Variants in LHFPL2 observed in about 807,000 individuals in gnomAD.
LHFPL2 encodes the protein LHFPL tetraspan subfamily member 2.
Under a neutral mutation model 17.5 loss-of-function variants are expected in LHFPL2, and 7 were observed. The ratio of observed to expected loss-of-function variants is 0.40; its 90% CI spans 0.23 to 0.75. LHFPL2 has a LOEUF of 0.75. Ranked by LOEUF, LHFPL2 falls within the 30% of genes least tolerant of loss-of-function variation. The probability of loss-of-function intolerance (pLI) is 0.37; values close to 1 mark genes in which losing one functional copy is unlikely to be tolerated. For synonymous variants in LHFPL2, 134 were observed against 116.2 expected, an observed-to-expected ratio of 1.15 and a Z score of -0.99; for missense variants, 241 against 294.8, an observed-to-expected ratio of 0.82 and a Z score of 1.34.
chr5:78,495,070 A>AAT (rs1291525264), intron 4 of LHFPL2, among the ~76,000 whole-genome samples: 3 of 152,202 alleles, frequency 2.0e-5, no homozygotes, highest in African/African-American at 7.2e-5. Context: ...CTTAGGTGGG[A>AAT]AGAAAAGCAT....
intron 4 of LHFPL2, among the ~76,000 whole-genome samples, chr5:78,496,450 T>A (rs1190891340): frequency 1.3e-5 from 2 of 152,192 alleles, no homozygotes; most frequent in African/African-American, 4.8e-5. Context: ...AAACATCAAT[T>A]TCTCTTATAA....
intron 4 of LHFPL2, among the ~76,000 whole-genome samples, chr5:78,492,371 C>T (rs949254496): frequency 1.3e-5 from 2 of 152,208 alleles, no homozygotes; most frequent in African/African-American, 4.8e-5. Context: ...ATGGAGTTTG[C>T]TGTCACATAC....
At chr5:78,512,417 A>C (rs116527875) in intron 3 of LHFPL2, among the ~76,000 whole-genome samples, 1 of 150,344 alleles carries the variant, frequency 6.7e-6, no homozygotes, top group East Asian at 2.0e-4. Flanking sequence ...ATAAATTAGC[A>C]TTCAGCCAGA....
At chr5:78,511,253 C>G (rs572270580) in intron 3 of LHFPL2, among the ~76,000 whole-genome samples, 1 of 152,192 alleles carries the variant, frequency 6.6e-6, no homozygotes, top group Non-Finnish European at 1.5e-5. Context: ...TTGAATTGTC[C>G]CAATTCATCC....
chr5:78,537,381 T>C (rs1382469567), intron 3 of LHFPL2, among the ~76,000 whole-genome samples: 4 of 152,136 alleles, frequency 2.6e-5, no homozygotes, highest in African/African-American at 9.7e-5. Flanking sequence ...AAAATGGTTA[T>C]TCGTGGGAAA....
intron 3 of LHFPL2, among the ~76,000 whole-genome samples, chr5:78,563,423 T>C (rs183196706): frequency 4.6e-3 from 708 of 152,260 alleles, no homozygotes; most frequent in Non-Finnish European, 7.6e-3. Context: ...GGGCCGACCA[T>C]GGTGACTCAC....
At chr5:78,560,123 A>T (rs941869476) in intron 3 of LHFPL2, among the ~76,000 whole-genome samples, 1 of 152,236 alleles carries the variant, frequency 6.6e-6, no homozygotes, top group Non-Finnish European at 1.5e-5. Context: ...AATGACAGAG[A>T]ATAGCTATCC....
At chr5:78,551,968 G>A (rs1464777689) in intron 3 of LHFPL2, among the ~76,000 whole-genome samples, 1 of 152,108 alleles carries the variant, frequency 6.6e-6, no homozygotes, top group Admixed American at 6.5e-5. Flanking sequence ...ATACCCTCTT[G>A]TCAAATCATA....
At chr5:78,535,342 C>T (rs1466150735) in intron 3 of LHFPL2, among the ~76,000 whole-genome samples, 2 of 152,200 alleles carry the variant, frequency 1.3e-5, no homozygotes, top group Non-Finnish European at 2.9e-5. Context: ...ACAGACCCCC[C>T]TCAGATTCCC....
intron 2 of LHFPL2, among the ~76,000 whole-genome samples, chr5:78,600,462 C>T (rs954568870): frequency 2.0e-5 from 3 of 152,166 alleles, no homozygotes; most frequent in Admixed American, 1.3e-4. Context: ...TGTGCAGTGG[C>T]TCACACCTGT....
At chr5:78,571,037 T>C (rs182159552) in intron 2 of LHFPL2, among the ~76,000 whole-genome samples, 5 of 152,268 alleles carry the variant, frequency 3.3e-5, no homozygotes, top group African/African-American at 1.2e-4. Flanking sequence ...AACACTCTCA[T>C]GGAGGCATCT....
At chr5:78,625,508 C>T (rs1745003726) in intron 2 of LHFPL2, 1 of 152,238 alleles carries the variant, frequency 6.6e-6, no homozygotes, top group African/African-American at 2.4e-5. Context: ...TACCCACCCC[C>T]AAACCTGAAC....
intron 4 of LHFPL2, among the ~76,000 whole-genome samples, chr5:78,501,718 C>G (rs1326139030): frequency 3.3e-5 from 5 of 152,200 alleles, no homozygotes; most frequent in Non-Finnish European, 7.3e-5. Context: ...ACATGGCTTA[C>G]TCCATCTCAT....
intron 2 of LHFPL2, among the ~76,000 whole-genome samples, chr5:78,580,437 T>C (rs1193317588): frequency 6.6e-6 from 1 of 151,668 alleles, no homozygotes; most frequent in Non-Finnish European, 1.5e-5. Context: ...ATGTCCTGAA[T>C]GGTAATGCCT....
chr5:78,507,778 CAG>C lies in LHFPL2; in HGVS notation c.430+2004_430+2005del, dbSNP rs1175682622. Among the ~76,000 whole-genome samples the C allele has an allele frequency of 3.9e-5, 6 of 152,300 alleles. No homozygotes were observed. In the East Asian group the frequency reaches 1.2e-3, roughly 29 times the overall value. The stretch of plus-strand genomic sequence containing the variant: ...AATCATCAAGGATGTGCAAATACAA[CAG>C]AGCGAGGGAAAACTAAACAGAAATC... On this transcript the variant is annotated intron_variant, in intron 4 of 4. Transcript: ENST00000380345.
At chr5:78,635,897 A>T (rs1410296326) in intron 1 of LHFPL2, among the ~76,000 whole-genome samples, 1 of 152,242 alleles carries the variant, frequency 6.6e-6, no homozygotes, top group African/African-American at 2.4e-5. Flanking sequence ...GTTTTCATAT[A>T]TAGATCACCT....
At chr5:78,541,175 C>T (rs1756102072) in intron 3 of LHFPL2, among the ~76,000 whole-genome samples, 1 of 152,182 alleles carries the variant, frequency 6.6e-6, no homozygotes, top group Admixed American at 6.5e-5. Context: ...ACCGCCACTT[C>T]ACCCCAGACT....
At position 78,648,096 on chromosome 5, in the gene LHFPL2, C is replaced by T. The variant is rs1745950449; in HGVS notation, c.-350+403G>A. 6.6e-6 allele frequency among the ~76,000 whole-genome samples: 1 copy of T among 152,166 alleles called. No homozygotes were observed. The highest frequency in any genetic ancestry group is 6.5e-5 in the Admixed American group (1 of 15,284). ...CGACCACGGGGCGGCCCCCAGGGAG[C>T]GGTGCCAGGCGCGCTGGAACCCGGC... On this transcript the variant is annotated intron_variant, in intron 1 of 4. Transcript: ENST00000380345. This position sits in a 1 kb window ranked among gnomAD's most constrained non-coding sequence, Gnocchi z 5.4.
rs1755057784 is a variant in LHFPL2 at position 78,510,004 on chromosome 5, G to A, written c.210C>T (p.Asn70=). ...CCCGCTGGAAGTGCTGCACCCCTGG[G>A]TTCCGGATGCAGCGGGCGTAGATGC... ...TLGIYARCIR[N]PGVQHFQRDT... is the part of the protein sequence containing the mutation. The change falls in exon 4 of 5, where the codon AAC becomes AAT. Residue 70 remains asparagine, a synonymous_variant. Coordinates refer to ENST00000380345, the MANE Select transcript of LHFPL2 (RefSeq NM_005779.3). 1.2e-6 allele frequency: 2 copies of A among 1,613,344 alleles called. No individual in the cohort carries two copies. The highest frequency in any genetic ancestry group is 1.7e-6 in the Non-Finnish European group (2 of 1,179,752).
Sources: gnomAD v4.1 joint callset for allele counts (sites outside exome capture counted in the v4.1 genomes callset) on GRCh38, gnomAD v4.1.1 for gene constraint, Gnocchi (gnomAD v3.1) non-coding constraint, MANE v1.5 for transcripts, NCBI Gene and HGNC (gene_info 2026-07-23, HGNC 2026-07-21) for gene names.